Variants in DMRT1 observed in about 807,000 individuals in gnomAD.
DMRT1 encodes the protein doublesex- and mab-3-related transcription factor 1.
A neutral mutation model predicts 32.3 loss-of-function variants in DMRT1; 7 were observed. The ratio of observed to expected loss-of-function variants is 0.22; its 90% CI spans 0.12 to 0.41. The LOEUF is 0.41. Ranked by LOEUF, DMRT1 falls within the 10% of genes least tolerant of loss-of-function variation. DMRT1 has a pLI of 1.00. For missense variants in DMRT1, 625 were observed against 500.5 expected, an observed-to-expected ratio of 1.25 and a Z score of -2.37; for synonymous variants, 278 against 206.1, an observed-to-expected ratio of 1.35 and a Z score of -2.99.
chr9:871,366 C>T (rs1195215856), intron 2 of DMRT1, among the ~76,000 whole-genome samples: 23 of 148,410 alleles, frequency 1.5e-4, no homozygotes, highest in African/African-American at 5.5e-4. Flanking sequence ...TGAGTCTTGC[C>T]CTGTCACCCA....
At chr9:859,769 A>G (rs1193867426) in intron 2 of DMRT1, among the ~76,000 whole-genome samples, 1 of 152,142 alleles carries the variant, frequency 6.6e-6, no homozygotes, top group African/African-American at 2.4e-5. Context: ...TGTGTAAGAA[A>G]CTCTTAAAGT....
intron 2 of DMRT1, among the ~76,000 whole-genome samples, chr9:889,036 T>A (rs1000343719): frequency 6.6e-6 from 1 of 151,932 alleles, no homozygotes; most frequent in Non-Finnish European, 1.5e-5. Flanking sequence ...TCGGGGTGTA[T>A]GATTTTGTCA....
chr9:932,657 A>G (rs1421806474), intron 4 of DMRT1, among the ~76,000 whole-genome samples: 2 of 152,146 alleles, frequency 1.3e-5, no homozygotes, highest in Admixed American at 1.3e-4. Flanking sequence ...GCTCAGTCCC[A>G]CAAAACTGCC....
chr9:964,082 C>T (rs936911645), intron 4 of DMRT1, among the ~76,000 whole-genome samples: 1 of 152,188 alleles, frequency 6.6e-6, no homozygotes, highest in Non-Finnish European at 1.5e-5. Context: ...ATCCTGTTTT[C>T]TCACATCACT....
At chr9:934,089 T>G (rs188658837) in intron 4 of DMRT1, among the ~76,000 whole-genome samples, 2 of 151,892 alleles carry the variant, frequency 1.3e-5, no homozygotes, top group African/African-American at 2.4e-5. Context: ...AGTCCAAGAA[T>G]AGTACTTGCC....
intron 2 of DMRT1, among the ~76,000 whole-genome samples, chr9:861,518 C>A (rs949187445): frequency 2.0e-5 from 3 of 152,238 alleles, no homozygotes; most frequent in Non-Finnish European, 4.4e-5. Context: ...ACATTTCCCC[C>A]TTTTCTATTC....
chr9:904,124 G>C (rs1464795156), intron 3 of DMRT1, among the ~76,000 whole-genome samples: 1 of 152,180 alleles, frequency 6.6e-6, no homozygotes, highest in Non-Finnish European at 1.5e-5. Context: ...GTAGCATTAG[G>C]TTAGTAAATA....
At position 968,007 on chromosome 9, in the gene DMRT1, A is replaced by G. The variant is rs775086243; in HGVS notation, c.990A>G (p.Gln330=). 34 of 1,613,836 alleles carry G rather than the reference A, an allele frequency of 2.1e-5. No individual in the cohort carries two copies. Among genetic ancestry groups the G allele is most frequent in the Non-Finnish European group, 2.8e-5 (33 of 1,180,014 alleles). Residue 330 remains glutamine (Q), a synonymous_variant, in exon 5 of 5, where the codon CAA becomes CAG. Transcript: ENST00000382276. ...RASVFSPPSS[Q]DSGLVSLSSS... ...CAGTATTCTCGCCGCCCAGCAGTCA[A>G]GATTCTGGCTTGGTTTCCCTCTCGA... is the stretch of plus-strand genomic sequence containing the variant.
At chr9:871,775 G>A (rs1311762702) in intron 2 of DMRT1, among the ~76,000 whole-genome samples, 1 of 151,082 alleles carries the variant, frequency 6.6e-6, no homozygotes, top group Non-Finnish European at 1.5e-5. Flanking sequence ...TGCCTGGCCG[G>A]CCTAGTCTTT....
chr9:910,178 A>AT (rs1183015198), intron 3 of DMRT1, among the ~76,000 whole-genome samples: 5 of 152,152 alleles, frequency 3.3e-5, no homozygotes, highest in South Asian at 4.1e-4. Context: ...AACGCTGAAG[A>AT]TTTTTTTGTC....
chr9:952,283 TTTAG>T (rs1217239423), intron 4 of DMRT1, among the ~76,000 whole-genome samples: 5 of 152,162 alleles, frequency 3.3e-5, no homozygotes, highest in African/African-American at 1.2e-4. Flanking sequence ...ATGCGTGAGT[TTTAG>T]TTAGTTGTGG....
Position 902,311 on chromosome 9 carries a change from C to T in DMRT1, c.822+8116C>T, listed in dbSNP as rs373113894. Among the ~76,000 whole-genome samples, 9 of 150,708 alleles carry T rather than the reference C, an allele frequency of 6.0e-5. 1 individual carries two copies. Among genetic ancestry groups the T allele is most frequent in the South Asian group, 4.3e-4 (2 of 4,652 alleles). On this transcript the variant is annotated intron_variant, in intron 3 of 4. Coordinates refer to ENST00000382276, the MANE Select transcript of DMRT1 (RefSeq NM_021951.3). ...TAAAAAGTTGATACCCGTTGTCTCTCGCCTCCTTCCTACACCCCCTCCTCC... is the reference window on the plus strand; with the variant it reads ...TAAAAAGTTGATACCCGTTGTCTCTTGCCTCCTTCCTACACCCCCTCCTCC...
chr9:888,059 T>G (rs1292221595), intron 2 of DMRT1, among the ~76,000 whole-genome samples: 1 of 152,210 alleles, frequency 6.6e-6, no homozygotes, highest in African/African-American at 2.4e-5. Flanking sequence ...ATTTTGACTC[T>G]GCAATGTTTT....
chr9:907,829 A>ATGTGTGTGTGTGTG (rs3084903), intron 3 of DMRT1, among the ~76,000 whole-genome samples: 4 of 149,544 alleles, frequency 2.7e-5, no homozygotes, highest in African/African-American at 9.8e-5. Context: ...TAAAATATAT[A>ATGTGTGTGTGTGTG]TGTGTGTGTG....
chr9:932,581 G>A (rs1818760324), intron 4 of DMRT1, among the ~76,000 whole-genome samples: 1 of 152,136 alleles, frequency 6.6e-6, no homozygotes, highest in African/African-American at 2.4e-5. Context: ...CAAACTGGGT[G>A]TCCTACAATT....
chr9:924,162 C>T (rs1407186234), intron 4 of DMRT1, among the ~76,000 whole-genome samples: 2 of 151,664 alleles, frequency 1.3e-5, no homozygotes, highest in South Asian at 2.1e-4. Flanking sequence ...ACCTCTGCCT[C>T]CCAGGTTCAA....
intron 2 of DMRT1, among the ~76,000 whole-genome samples, chr9:867,318 C>T (rs1376215971): frequency 2.6e-5 from 4 of 152,312 alleles, no homozygotes; most frequent in East Asian, 1.9e-4. Flanking sequence ...GATCCACACA[C>T]GACTATGAAT....
At chr9:952,328 G>A (rs1176947723) in intron 4 of DMRT1, among the ~76,000 whole-genome samples, 1 of 152,216 alleles carries the variant, frequency 6.6e-6, no homozygotes, top group Non-Finnish European at 1.5e-5. Context: ...AGGACTAACA[G>A]TAGTCATTGT....
At chr9:879,418 A>G (rs1801571439) in intron 2 of DMRT1, among the ~76,000 whole-genome samples, 2 of 152,256 alleles carry the variant, frequency 1.3e-5, no homozygotes, top group South Asian at 2.1e-4. Flanking sequence ...ATTGTTTCAC[A>G]TTTTTGCAAA....
Sources: gnomAD v4.1 joint callset for allele counts (sites outside exome capture counted in the v4.1 genomes callset) on GRCh38, gnomAD v4.1.1 for gene constraint, MANE v1.5 for transcripts, NCBI Gene and HGNC (gene_info 2026-07-23, HGNC 2026-07-21) for gene names.